GRIK5: variants seen among roughly 807,000 people sequenced by gnomAD.
GRIK5 encodes glutamate ionotropic receptor kainate type subunit 5, also known as glutamate receptor ionotropic, kainate 5.
GRIK5 carries 43 observed loss-of-function variants against 97.4 expected under a neutral mutation model. That is an observed-to-expected ratio of 0.44 (90% confidence interval 0.35 to 0.57). GRIK5 has a LOEUF of 0.57. Ranked by LOEUF, GRIK5 falls within the 20% of genes least tolerant of loss-of-function variation. GRIK5 has a pLI of 0.01. For missense variants in GRIK5, 1,015 were observed against 1,382.0 expected (o/e 0.73, Z 4.21); for synonymous variants, 580 against 583.5 (o/e 0.99, Z 0.09).
At chr19:42,041,199 C>A (rs2075973246) in intron 12 of GRIK5, among the ~76,000 whole-genome samples, 1 of 152,196 alleles carries the variant, frequency 6.6e-6, no homozygotes, top group African/African-American at 2.4e-5. Flanking sequence ...GGGTTGGATG[C>A]TGTAAATTCT....
rs773935011 is a variant in GRIK5, at chr19:42,065,210, T to C, written c.244+13A>G. ...TGCCCTGCCTCACCCCACGCCCCCA[T>C]GGCCCCGCTCACTGGTGTCCGTGGT... is the stretch of plus-strand genomic sequence containing the variant. On this transcript the variant is annotated intron_variant, in intron 3 of 19. Transcript: ENST00000593562. The surrounding 1 kb of genome is among the most constrained non-coding windows in gnomAD (Gnocchi z 5.8). 7.5e-6 allele frequency: 12 copies of C among 1,601,872 alleles called. No individual in the cohort carries two copies. The African/African-American group carries it at 9.4e-5, about 12-fold the overall frequency.
chr19:42,035,413 T>C (rs2075890787), intron 12 of GRIK5, among the ~76,000 whole-genome samples: 1 of 151,962 alleles, frequency 6.6e-6, no homozygotes, highest in African/African-American at 2.4e-5. Flanking sequence ...AAATAAAAAT[T>C]TAAGAAATTT....
intron 8 of GRIK5, among the ~76,000 whole-genome samples, chr19:42,056,017 G>A (rs1450825099): frequency 2.7e-5 from 4 of 146,422 alleles, no homozygotes; most frequent in Admixed American, 6.9e-5. Context: ...ACGGAGTCTC[G>A]CTCTCTCGCC....
At chr19:42,020,165 T>C (rs1463764037) in intron 15 of GRIK5, among the ~76,000 whole-genome samples, 1 of 152,194 alleles carries the variant, frequency 6.6e-6, no homozygotes, top group Non-Finnish European at 1.5e-5. Flanking sequence ...GACTCGCAAG[T>C]GTCCAAGCCA....
rs2075689860 is a variant in GRIK5 at position 42,021,084 on chromosome 19, ACT to A, written c.1871+215_1871+216del. Among the ~76,000 whole-genome samples, 2 of 152,188 alleles carry A rather than the reference ACT, an allele frequency of 1.3e-5. No individual in the cohort carries two copies. The highest frequency in any genetic ancestry group is 2.4e-5 in the African/African-American group (1 of 41,438). ...TTTCTCCCCATCTTTCAGGGAGGTC[ACT>A]GAGGCAAAGGGAGGGTTGCGGTCTG... On this transcript the variant is annotated intron_variant, in intron 15 of 19. Coordinates refer to ENST00000593562, the MANE Select transcript of GRIK5 (RefSeq NM_002088.5). This position sits in a 1 kb window ranked among gnomAD's most constrained non-coding sequence, Gnocchi z 4.2.
chr19:42,038,888 C>T (rs954441613), intron 12 of GRIK5, among the ~76,000 whole-genome samples: 7 of 152,162 alleles, frequency 4.6e-5, no homozygotes, highest in African/African-American at 7.2e-5. Flanking sequence ...GGCCAAACTC[C>T]GCCTATCCTT....
Position 41,998,729 on chromosome 19 carries a change from G to A in GRIK5, c.*142C>T, listed in dbSNP as rs2075400834. On this transcript the variant is annotated 3_prime_UTR_variant, in exon 20 of 20. Transcript: ENST00000593562. The stretch of plus-strand genomic sequence containing the variant: ...AGAGCCAGGCCTCGGACTTCGCGGG[G>A]AACCAAAGGCAAAATCGCGGCGTCC... 1.0e-5 allele frequency: 3 copies of A among 288,792 alleles called. No individual in the cohort carries two copies. The highest frequency in any genetic ancestry group is 1.1e-4 in the East Asian group (1 of 9,038). The allele number at this position is 288,792 out of a possible 1,614,324, so 17.9% of individuals were successfully genotyped here. A position where few individuals can be genotyped will look rare whatever the true frequency, so the allele number is the denominator to read the frequency against.
chr19:42,003,602 C>T lies in GRIK5; in HGVS notation c.2345G>A (p.Trp782Ter). 6.2e-7 allele frequency: 1 copy of T among 1,613,638 alleles called. No homozygotes were observed. The highest frequency in any genetic ancestry group is 8.5e-7 in the Non-Finnish European group (1 of 1,179,764). Residue 782 changes from tryptophan (W) to a stop codon, truncating the protein, a stop_gained, in exon 18 of 20, where the codon TGG (tryptophan) becomes TAG (stop). Transcript: ENST00000593562. LOFTEE classifies it high-confidence loss of function. The surrounding 1 kb of genome is among the most constrained non-coding windows in gnomAD (Gnocchi z 4.2). ...NNRLEILKRK[W>*]WEGGRCPKEE... Reference sequence around the variant, plus strand: ...CTTGGGGCACCGGCCCCCCTCCCACCACTTGCGCTTCAGGATCTCCAGCCG... The same window carrying T: ...CTTGGGGCACCGGCCCCCCTCCCACTACTTGCGCTTCAGGATCTCCAGCCG...
chr19:42,035,917 A>G (rs1345377511), intron 12 of GRIK5, among the ~76,000 whole-genome samples: 1 of 152,206 alleles, frequency 6.6e-6, no homozygotes, highest in South Asian at 2.1e-4. Flanking sequence ...AAAATTTCTG[A>G]TGGTATGCAA....
At chr19:42,016,822 G>A (rs958210292) in intron 15 of GRIK5, among the ~76,000 whole-genome samples, 1 of 152,160 alleles carries the variant, frequency 6.6e-6, no homozygotes, top group African/African-American at 2.4e-5. Context: ...GTAAAGTGTG[G>A]GCCACTGGTG....
At chr19:42,066,110 G>A (rs1038928449) in intron 1 of GRIK5, among the ~76,000 whole-genome samples, 5 of 152,114 alleles carry the variant, frequency 3.3e-5, no homozygotes, top group Admixed American at 6.5e-5. Flanking sequence ...GGAGGGAGGC[G>A]TGCGAGGTTC....
Position 42,061,238 on chromosome 19 carries a change from G to A in GRIK5, c.508+1250C>T, listed in dbSNP as rs1015739110. 1.1e-4 allele frequency among the ~76,000 whole-genome samples: 17 copies of A among 152,122 alleles called. No homozygotes were observed. In the South Asian group the frequency reaches 1.5e-3, roughly 13 times the overall value. Reference sequence around the variant, plus strand: ...AACTTTTTGTATTTTTAGTAGAGACGGGGTTTCACCATTCACAGGATGGTC... The same window carrying A: ...AACTTTTTGTATTTTTAGTAGAGACAGGGTTTCACCATTCACAGGATGGTC... On this transcript the variant is annotated intron_variant, in intron 5 of 19. Transcript: ENST00000593562.
intron 15 of GRIK5, among the ~76,000 whole-genome samples, chr19:42,013,340 C>T (rs1466447597): frequency 6.6e-6 from 1 of 151,668 alleles, no homozygotes; most frequent in Non-Finnish European, 1.5e-5. Context: ...AGAGCAAGAT[C>T]CTGTCTTTAA....
intron 11 of GRIK5, among the ~76,000 whole-genome samples, chr19:42,043,396 G>A (rs1030910314): frequency 6.7e-6 from 1 of 148,968 alleles, no homozygotes; most frequent in Admixed American, 6.7e-5. Context: ...GACAGATGGT[G>A]CAATTTTTTT....
chr19:42,015,706 G>A (rs543191226), intron 15 of GRIK5, among the ~76,000 whole-genome samples: 1 of 152,130 alleles, frequency 6.6e-6, no homozygotes, highest in Non-Finnish European at 1.5e-5. Context: ...GGACCGACCC[G>A]GGAGAATAGG....
chr19:42,049,403 C>T (rs984851034), intron 11 of GRIK5, among the ~76,000 whole-genome samples: 3 of 152,196 alleles, frequency 2.0e-5, no homozygotes, highest in African/African-American at 7.2e-5. Flanking sequence ...CAGAAACAAA[C>T]GTCCATCTAG....
rs111502544 is a variant in GRIK5, at chr19:42,021,902, C to T, written c.1697+45G>A. The T allele has an allele frequency of 8.1e-5, 109 of 1,352,360 alleles. 2 individuals are homozygous for T. The African/African-American group carries it at 1.1e-3, about 14-fold the overall frequency. 83.8% of individuals were successfully genotyped at this position (1,352,360 alleles called of 1,614,324 possible). On this transcript the variant is annotated intron_variant, in intron 14 of 19. Coordinates refer to ENST00000593562, the MANE Select transcript of GRIK5 (RefSeq NM_002088.5). The surrounding 1 kb of genome is among the most constrained non-coding windows in gnomAD (Gnocchi z 4.2). ...CAGGTCGGTCCCAGAGGCCTCGGCT[C>T]GTGCCTCCTCCAGCCCCTTCCTTCC...
At chr19:42,037,404 A>G (rs938489493) in intron 12 of GRIK5, among the ~76,000 whole-genome samples, 1 of 152,230 alleles carries the variant, frequency 6.6e-6, no homozygotes, top group Admixed American at 6.5e-5. Flanking sequence ...GGTTGCAGTG[A>G]GCCGAGATCA....
intron 15 of GRIK5, among the ~76,000 whole-genome samples, chr19:42,015,979 G>A (rs990834596): frequency 6.6e-6 from 1 of 152,168 alleles, no homozygotes; most frequent in East Asian, 1.9e-4. Context: ...GATGGAGTGA[G>A]GGCTTGATAG....
Sources: gnomAD v4.1 joint callset for allele counts (sites outside exome capture counted in the v4.1 genomes callset) on GRCh38, gnomAD v4.1.1 for gene constraint, Gnocchi (gnomAD v3.1) non-coding constraint, MANE v1.5 for transcripts, NCBI Gene and HGNC (gene_info 2026-07-23, HGNC 2026-07-21) for gene names.